CASC3: variants seen among roughly 807,000 people sequenced by gnomAD.
CASC3 encodes the protein protein CASC3.
In CASC3, 30 loss-of-function variants were observed where a neutral mutation model predicts 80.5. The ratio of observed to expected loss-of-function variants is 0.37; its 90% CI spans 0.28 to 0.51. The LOEUF (loss-of-function observed/expected upper bound fraction) is 0.51, where lower values mean the gene tolerates loss of function less well. Among genes scored for constraint, CASC3 ranks in the 20% least tolerant of loss-of-function variants. The pLI is 0.94. For missense variants in CASC3, 824 were observed against 922.2 expected, an observed-to-expected ratio of 0.89 and a Z score of 1.38; for synonymous variants, 312 against 333.6, an observed-to-expected ratio of 0.94 and a Z score of 0.70.
At chr17:40,159,226 G>T (rs1400805623) in intron 3 of CASC3, among the ~76,000 whole-genome samples, 1 of 152,040 alleles carries the variant, frequency 6.6e-6, no homozygotes, top group Non-Finnish European at 1.5e-5. Flanking sequence ...GACAGAGTGA[G>T]ACCCTGTCTC....
At chr17:40,162,276 C>G (rs577195963) in intron 5 of CASC3, 123 bp downstream of exon 5, 1 of 1,074,908 alleles carries the variant, frequency 9.3e-7, no homozygotes, top group African/African-American at 1.6e-5. Context: ...TTATCCTTAT[C>G]GTACAAATGA....
intron 8 of CASC3, 132 bp downstream of exon 8, chr17:40,166,993 C>T (rs1355388922): frequency 1.5e-6 from 1 of 661,808 alleles, no homozygotes; most frequent in Non-Finnish European, 2.4e-6. Context: ...GAGTCTCGCT[C>T]TGTTGCCCAG....
Position 40,163,953 on chromosome 17 carries a change from C to G in CASC3, c.1258C>G (p.Leu420Val). ...AACCAAAGTTGGAGATGCAGTCAAG[C>G]TTGCAGAGGAGGTGCCCCCTCCTCC... is the stretch of plus-strand genomic sequence containing the variant. ...TRTKVGDAVKLAEEVPPPPEG... is the reference protein window; with the variant it reads ...TRTKVGDAVKVAEEVPPPPEG... The change falls in exon 7 of 14, where the codon CTT becomes GTT. Residue 420 changes from leucine to valine, a missense_variant. Coordinates refer to ENST00000264645, the MANE Select transcript of CASC3 (RefSeq NM_007359.5). 6.2e-7 allele frequency: 1 copy of G among 1,614,132 alleles called. No individual in the cohort carries two copies. Among genetic ancestry groups the G allele is most frequent in the Non-Finnish European group, 8.5e-7 (1 of 1,180,030 alleles).
At chr17:40,154,435 T>C (rs1005402795) in intron 3 of CASC3, among the ~76,000 whole-genome samples, 9 of 152,010 alleles carry the variant, frequency 5.9e-5, no homozygotes, top group African/African-American at 2.2e-4. Context: ...GGTTTTGCCA[T>C]GTTGGCCAGG....
rs542306653 is a variant in CASC3, at chr17:40,162,617, T to C, written c.609-108T>C. 2.8e-4 allele frequency: 270 copies of C among 949,856 alleles called. 5 individuals are homozygous for C. The South Asian group carries it at 3.8e-3, about 13-fold the overall frequency. The allele number at this position is 949,856 out of a possible 1,614,324, so 58.8% of individuals were successfully genotyped here. On this transcript the variant is annotated intron_variant, in intron 5 of 13. Coordinates refer to ENST00000264645, the MANE Select transcript of CASC3 (RefSeq NM_007359.5). Reference sequence around the variant, plus strand: ...AATCTCTTTGGGATGATGAGGAGACTACGTAAAGTTCCTATTGTCCCCCTG... The same window carrying C: ...AATCTCTTTGGGATGATGAGGAGACCACGTAAAGTTCCTATTGTCCCCCTG...
intron 3 of CASC3, among the ~76,000 whole-genome samples, chr17:40,148,370 CTT>C (rs57800931): frequency 6.9e-6 from 1 of 145,396 alleles, no homozygotes; most frequent in Non-Finnish European, 1.5e-5. Flanking sequence ...CCCTTCAGAC[CTT>C]TTTTTTTTTT....
At chr17:40,167,206 A>G in intron 8 of CASC3, 1 of 515,334 alleles carries the variant, frequency 1.9e-6, no homozygotes. Context: ...TGATCCACCC[A>G]CCCTGGCCTC....
In CASC3 at chr17:40,162,780, A is replaced by C. The variant is rs1451844550; in HGVS notation, c.664A>C (p.Lys222Gln). ...WKDEGRWEHD[K>Q]FREDEQAPKS... The stretch of plus-strand genomic sequence containing the variant: ...GGATGAGGGTCGCTGGGAGCATGAC[A>C]AGTTCCGGGAAGATGAGCAGGCCCC... Residue 222 changes from lysine to glutamine, a missense_variant, in exon 6 of 14, where the codon AAG becomes CAG. Lys to Gln is a moderately conservative substitution (Grantham distance 53, BLOSUM62 1). This residue lies in a region of CASC3 where 201 missense variants were observed against 294.1 expected (regional missense o/e 0.68). Coordinates refer to ENST00000264645, the MANE Select transcript of CASC3 (RefSeq NM_007359.5). 6.2e-7 allele frequency: 1 copy of C among 1,613,966 alleles called. No homozygotes were observed. The highest frequency in any genetic ancestry group is 1.1e-5 in the South Asian group (1 of 91,084).
At chr17:40,160,322 G>A (rs544211099) in intron 3 of CASC3, among the ~76,000 whole-genome samples, 2 of 151,926 alleles carry the variant, frequency 1.3e-5, no homozygotes, top group Non-Finnish European at 2.9e-5. Flanking sequence ...GCGAGACCTC[G>A]TCTCTACTAA....
chr17:40,163,461 C>A lies in CASC3; in HGVS notation c.786-20C>A. ...CCTTTTGTTAATTTCCTAACAGTTT[C>A]TTCATTCCATTTTTTGTAGATATGG... On this transcript the variant is annotated intron_variant, in intron 6 of 13. Transcript: ENST00000264645. The A allele has an allele frequency of 6.3e-7, 1 of 1,589,664 alleles. No individual in the cohort carries two copies. Among genetic ancestry groups the A allele is most frequent in the Non-Finnish European group, 8.6e-7 (1 of 1,168,562 alleles).
intron 7 of CASC3, 95 bp from the exon 8 acceptor site, chr17:40,166,702 C>T (rs940445426): frequency 1.1e-4 from 86 of 748,204 alleles, no homozygotes; most frequent in Non-Finnish European, 1.3e-4. Context: ...AAAGGCATTC[C>T]TTATGTTGAC....
At chr17:40,164,851 G>C in intron 7 of CASC3, among the ~76,000 whole-genome samples, 1 of 145,394 alleles carries the variant, frequency 6.9e-6, no homozygotes, top group Non-Finnish European at 1.5e-5. Context: ...TGCGTCCAGG[G>C]CTCAAACAAT....
intron 13 of CASC3, 111 bp from the exon 14 acceptor site, chr17:40,170,336 C>T: frequency 1.4e-6 from 1 of 689,678 alleles, no homozygotes; most frequent in Non-Finnish European, 1.8e-6. Context: ...TGTTTAAGGA[C>T]ATTACTTAAA....
At chr17:40,144,418 C>G (rs111327046) in intron 3 of CASC3, among the ~76,000 whole-genome samples, 2 of 149,436 alleles carry the variant, frequency 1.3e-5, no homozygotes, top group African/African-American at 4.9e-5. Context: ...GATCTTAGCT[C>G]GCTGCAACCT....
At chr17:40,143,423 G>A (rs1299841022) in intron 3 of CASC3, among the ~76,000 whole-genome samples, 5 of 151,394 alleles carry the variant, frequency 3.3e-5, no homozygotes, top group African/African-American at 1.2e-4. Flanking sequence ...TCCAGCCTGG[G>A]CAACAGAGCA....
In CASC3 at chr17:40,170,624, C is replaced by G. The variant is rs74689444; in HGVS notation, c.*219C>G. 1.0e-6 allele frequency: 1 copy of G among 985,506 alleles called. No individual in the cohort carries two copies. Among genetic ancestry groups the G allele is most frequent in the Non-Finnish European group, 1.2e-6 (1 of 829,866 alleles). The allele number at this position is 985,506 out of a possible 1,614,324, so 61.0% of individuals were successfully genotyped here. On this transcript the variant is annotated 3_prime_UTR_variant, in exon 14 of 14. Coordinates refer to ENST00000264645, the MANE Select transcript of CASC3 (RefSeq NM_007359.5). ...ACAAGTGGACCTCGTCCCATCTTCA[C>G]TCTTCACTTGAGTTGGCTGTGTTCG...
chr17:40,143,453 T>C (rs1237493595), intron 3 of CASC3, among the ~76,000 whole-genome samples: 2 of 150,468 alleles, frequency 1.3e-5, no homozygotes, highest in African/African-American at 2.4e-5. Flanking sequence ...TCTCAGAAAA[T>C]TTAAAAAATA....
chr17:40,146,641 T>C lies in CASC3; in HGVS notation c.297+5034T>C, dbSNP rs557626049. On this transcript the variant is annotated intron_variant, in intron 3 of 13. Transcript: ENST00000264645. ...TTTTAGTAGAGACGGGGTTTCATCA[T>C]GTTGGACAGGCTGGTCTTGAACTCT... is the stretch of plus-strand genomic sequence containing the variant. Among the ~76,000 whole-genome samples, 200 of 151,386 alleles carry C rather than the reference T, an allele frequency of 1.3e-3. 2 individuals carry two copies. The highest frequency in any genetic ancestry group is 6.8e-3 in the Middle Eastern group (2 of 294).
chr17:40,152,784 A>T (rs1989044592), intron 3 of CASC3, among the ~76,000 whole-genome samples: 1 of 150,148 alleles, frequency 6.7e-6, no homozygotes, highest in African/African-American at 2.5e-5. Context: ...GTACGCTATT[A>T]TTATTATTAT....
Sources: gnomAD v4.1 joint callset for allele counts (sites outside exome capture counted in the v4.1 genomes callset) on GRCh38, gnomAD v4.1.1 for gene constraint, gnomAD v4.1.1 regional missense constraint, MANE v1.5 for transcripts, NCBI Gene and HGNC (gene_info 2026-07-23, HGNC 2026-07-21) for gene names.